Variants in NLRP9 observed in about 807,000 individuals in gnomAD.
NLRP9 encodes NLR family pyrin domain containing 9.
In NLRP9, 88 loss-of-function variants were observed where a neutral mutation model predicts 83.1. That is an observed-to-expected ratio of 1.06 (90% CI 0.89 to 1.26). NLRP9 has a LOEUF of 1.26. Among genes scored for constraint, NLRP9 ranks in the 50% most tolerant of loss-of-function variants. The pLI is 0.00. For synonymous variants in NLRP9, 521 were observed against 447.6 expected (o/e 1.16, Z -2.07); for missense variants, 1,308 against 1,179.3 (o/e 1.11, Z -1.60).
At chr19:55,735,103 C>T (rs1209424494) in intron 1 of NLRP9, among the ~76,000 whole-genome samples, 1 of 152,150 alleles carries the variant, frequency 6.6e-6, no homozygotes, top group African/African-American at 2.4e-5. Flanking sequence ...CAGTCGCTCA[C>T]AGGAAGGCAG....
chr19:55,712,518 C>A lies in NLRP9; in HGVS notation c.2574G>T (p.Leu858=), dbSNP rs542133445. The A allele has an allele frequency of 1.2e-6, 2 of 1,612,668 alleles. No individual in the cohort carries two copies. Among genetic ancestry groups the A allele is most frequent in the East Asian group, 4.5e-5 (2 of 44,794 alleles). The change falls in exon 7 of 9, where the codon CTG becomes CTT. Residue 858 remains leucine (L), a synonymous_variant. Transcript: ENST00000332836. The part of the protein sequence containing the change: ...IAAVLICNGK[L]KTLKLGHNEI... ...CATTATGCCCAAGTTTCAGGGTCTTCAGTTTCCCATTGCAAATAAGAACAG... is the reference window on the plus strand; with the variant it reads ...CATTATGCCCAAGTTTCAGGGTCTTAAGTTTCCCATTGCAAATAAGAACAG...
intron 1 of NLRP9, chr19:55,737,732 T>C (rs1361688211): frequency 1.4e-3 from 145 of 106,114 alleles, no homozygotes; most frequent in African/African-American, 7.5e-3. Context: ...AGACCCTTTC[T>C]CTAAAAAAAA....
chr19:55,732,574 C>T lies in NLRP9; in HGVS notation c.1257G>A (p.Gly419=), dbSNP rs1386559038. The T allele has an allele frequency of 4.3e-6, 7 of 1,614,074 alleles. No homozygotes were observed. The highest frequency in any genetic ancestry group is 5.9e-6 in the Non-Finnish European group (7 of 1,180,032). ...ACATCACGCCCTCAGACTCAGATAA[C>T]CCATTCCTCCGGAGATCCCCATGGG... ...VFSHGDLRRN[G]LSESEGVMWV... Residue 419 remains glycine (G), a synonymous_variant, in exon 2 of 9, where the codon GGG becomes GGA. Transcript: ENST00000332836.
intron 4 of NLRP9, among the ~76,000 whole-genome samples, chr19:55,721,408 C>T (rs1988222108): frequency 6.6e-6 from 1 of 152,050 alleles, no homozygotes. Flanking sequence ...AATGTTTGTC[C>T]AGGGCCACTG....
At chr19:55,721,753 C>T (rs945420587) in intron 4 of NLRP9, among the ~76,000 whole-genome samples, 6 of 152,068 alleles carry the variant, frequency 3.9e-5, no homozygotes, top group Non-Finnish European at 5.9e-5. Flanking sequence ...ATCACAGGGG[C>T]GGGTCTTTCC....
chr19:55,713,586 C>CT (rs1555794015), intron 6 of NLRP9, among the ~76,000 whole-genome samples: 4 of 142,682 alleles, frequency 2.8e-5, no homozygotes, highest in Admixed American at 1.4e-4. Flanking sequence ...TCTCCCTCCT[C>CT]CCCTCCTCCT....
In NLRP9 at chr19:55,733,123, G is replaced by A. The variant is rs772076069; in HGVS notation, c.708C>T (p.Asn236=). ...CGCTCAAGTCAGCCTTAAGTTGTAAGTTAAACTTCAGTTGCTCAAAGCCAT... is the reference window on the plus strand; with the variant it reads ...CGCTCAAGTCAGCCTTAAGTTGTAAATTAAACTTCAGTTGCTCAAAGCCAT... The part of the protein sequence containing the change: ...IMDGFEQLKF[N]LQLKADLSDD... Residue 236 remains asparagine (N), a synonymous_variant, in exon 2 of 9, where the codon AAC becomes AAT. Transcript: ENST00000332836. 2 of 1,614,164 alleles carry A rather than the reference G, an allele frequency of 1.2e-6. No homozygotes were observed. The highest frequency in any genetic ancestry group is 1.7e-6 in the Non-Finnish European group (2 of 1,180,022).
intron 8 of NLRP9, among the ~76,000 whole-genome samples, chr19:55,710,388 G>A (rs564731555): frequency 1.9e-4 from 29 of 152,168 alleles, no homozygotes; most frequent in African/African-American, 7.0e-4. Context: ...GGGCCTTTAT[G>A]TTTTGCTGTG....
intron 2 of NLRP9, 45 bp downstream of exon 2, chr19:55,731,954 C>G: frequency 7.7e-7 from 1 of 1,291,110 alleles, no homozygotes; most frequent in Non-Finnish European, 1.1e-6. Context: ...CTAGAGCAAA[C>G]TCCAAGTGTA....
Position 55,716,821 on chromosome 19 carries a change from T to G in NLRP9, c.2237A>C (p.His746Pro), listed in dbSNP as rs757709697. 8 of 1,613,774 alleles carry G rather than the reference T, an allele frequency of 5.0e-6. No individual in the cohort carries two copies. Among genetic ancestry groups the G allele is most frequent in the Non-Finnish European group, 6.8e-6 (8 of 1,179,858 alleles). The change falls in exon 5 of 9, where the codon CAC (histidine) becomes CCC (proline). Residue 746 changes from histidine to proline, a missense_variant. By Grantham distance (77) the His-to-Pro change is moderately conservative. Coordinates refer to ENST00000332836, the MANE Select transcript of NLRP9 (RefSeq NM_176820.4). ...CAAGGGATTTTCTACCAAGGAGAGG[T>G]GTTTCAGCTTGCTGTTGCAGGCCAG... ...SVLACNSKLK[H>P]LSLVENPLRD...
chr19:55,715,124 A>G lies in NLRP9; in HGVS notation c.2432T>C (p.Leu811Pro), dbSNP rs778482060. ...LSLLDLGSNA[L>P]EDNGVASLCA... ...CAGAGATGCCACTCCATTATCTTCCAGGGCATTTGAGCCCAGATCGAGGAG... is the reference window on the plus strand; with the variant it reads ...CAGAGATGCCACTCCATTATCTTCCGGGGCATTTGAGCCCAGATCGAGGAG... The change falls in exon 6 of 9, where the codon CTG becomes CCG. Residue 811 changes from leucine to proline, a missense_variant. Leu to Pro is a moderately conservative substitution (Grantham distance 98). Coordinates refer to ENST00000332836, the MANE Select transcript of NLRP9 (RefSeq NM_176820.4). 1.9e-5 allele frequency: 30 copies of G among 1,613,156 alleles called. No individual in the cohort carries two copies. The highest frequency in any genetic ancestry group is 2.5e-5 in the Non-Finnish European group (30 of 1,179,894).
rs1988600848 is a variant in NLRP9 at position 55,732,387 on chromosome 19, C to G, written c.1444G>C (p.Val482Leu). 1 of 1,614,202 alleles carries G rather than the reference C, an allele frequency of 6.2e-7. No individual in the cohort carries two copies. Among genetic ancestry groups the G allele is most frequent in the Non-Finnish European group, 8.5e-7 (1 of 1,180,040 alleles). ...TGGGTCAAGAGGGTTTGAGGCTGAA[C>G]CACACTTGCTCTTACAAGCTGGGTT... is the stretch of plus-strand genomic sequence containing the variant. ...SITQLVRASV[V>L]QPQTLLTQVG... The change falls in exon 2 of 9, where the codon GTT becomes CTT. Residue 482 changes from valine (V) to leucine (L), a missense_variant. Coordinates refer to ENST00000332836, the MANE Select transcript of NLRP9 (RefSeq NM_176820.4).
At chr19:55,717,696 G>A (rs1988075110) in intron 4 of NLRP9, among the ~76,000 whole-genome samples, 1 of 152,186 alleles carries the variant, frequency 6.6e-6, no homozygotes, top group Non-Finnish European at 1.5e-5. Context: ...AGACGGGAGG[G>A]CAGCTCTTTT....
chr19:55,710,027 C>T (rs915293403), intron 8 of NLRP9, among the ~76,000 whole-genome samples: 3 of 152,128 alleles, frequency 2.0e-5, no homozygotes, highest in African/African-American at 4.8e-5. Context: ...CACAAAATTT[C>T]GTAGACATTT....
chr19:55,713,256 C>G (rs1012129285), intron 6 of NLRP9, among the ~76,000 whole-genome samples: 4 of 151,704 alleles, frequency 2.6e-5, no homozygotes, highest in African/African-American at 9.7e-5. Context: ...AGGCCCCAAG[C>G]TGGTGATTCC....
intron 8 of NLRP9, 52 bp from the exon 9 acceptor site, chr19:55,709,096 A>G (rs747616967): frequency 2.2e-6 from 3 of 1,369,600 alleles, no homozygotes; most frequent in Admixed American, 5.2e-5. Flanking sequence ...TTTACACAGT[A>G]TTGCCTCTCT....
chr19:55,720,395 T>C (rs1299891816), intron 4 of NLRP9, among the ~76,000 whole-genome samples: 2 of 152,206 alleles, frequency 1.3e-5, no homozygotes, highest in African/African-American at 4.8e-5. Flanking sequence ...TGATGACAGC[T>C]CACTGCAGCA....
chr19:55,728,241 A>G (rs1423073509), intron 3 of NLRP9, among the ~76,000 whole-genome samples: 1 of 152,182 alleles, frequency 6.6e-6, no homozygotes, highest in African/African-American at 2.4e-5. Context: ...AACCATTCTT[A>G]TCAGTCAGGT....
Position 55,733,105 on chromosome 19 carries a change from G to C in NLRP9, c.726C>G (p.Asp242Glu). 6.2e-7 allele frequency: 1 copy of C among 1,614,126 alleles called. No homozygotes were observed. The highest frequency in any genetic ancestry group is 1.1e-5 in the South Asian group (1 of 91,050). The change falls in exon 2 of 9, where the codon GAC (aspartate) becomes GAG (glutamate). Residue 242 changes from aspartate (D) to glutamate (E), a missense_variant. By Grantham distance (45) the Asp-to-Glu change is conservative. Coordinates refer to ENST00000332836, the MANE Select transcript of NLRP9 (RefSeq NM_176820.4). ...GCCGCTGCCTCCAATCATCGCTCAA[G>C]TCAGCCTTAAGTTGTAAGTTAAACT... ...QLKFNLQLKADLSDDWRQRQP... is the reference protein window; with the variant it reads ...QLKFNLQLKAELSDDWRQRQP...
Sources: gnomAD v4.1 joint callset for allele counts (sites outside exome capture counted in the v4.1 genomes callset) on GRCh38, gnomAD v4.1.1 for gene constraint, MANE v1.5 for transcripts, NCBI Gene and HGNC (gene_info 2026-07-23, HGNC 2026-07-21) for gene names.